Variants in WASF3 observed in about 807,000 individuals in gnomAD.
The protein encoded by WASF3 is actin-binding protein WASF3.
WASF3 carries 11 observed loss-of-function variants against 46.6 expected under a neutral mutation model. That is an observed-to-expected ratio of 0.24 (90% CI 0.15 to 0.39). WASF3 has a LOEUF of 0.39. Among genes scored for constraint, WASF3 ranks in the 10% least tolerant of loss-of-function variants. The pLI, the probability that WASF3 is intolerant of heterozygous loss-of-function variation, is 1.00. For missense variants in WASF3, 576 were observed against 669.8 expected (o/e 0.86, Z 1.55); for synonymous variants, 242 against 259.7 (o/e 0.93, Z 0.65).
chr13:26,679,631 C>T lies in WASF3; in HGVS notation c.717-1423C>T, dbSNP rs944250084. ...TGTAAGCCAGTGACTCGTAGTCATG[C>T]GCAGAGTCAAGCACACATCATCAGT... On this transcript the variant is annotated intron_variant, in intron 7 of 9. Transcript: ENST00000335327. This position sits in a 1 kb window ranked among gnomAD's most constrained non-coding sequence, Gnocchi z 4.8. Among the ~76,000 whole-genome samples, 1 of 152,144 alleles carries T rather than the reference C, an allele frequency of 6.6e-6. No homozygotes were observed. The highest frequency in any genetic ancestry group is 1.5e-5 in the Non-Finnish European group (1 of 68,032).
At chr13:26,580,711 C>T (rs567583463) in intron 1 of WASF3, among the ~76,000 whole-genome samples, 55 of 151,344 alleles carry the variant, frequency 3.6e-4, no homozygotes, top group Non-Finnish European at 5.6e-4. Flanking sequence ...CCTCAACCTC[C>T]GCCTCCCGGG....
chr13:26,577,320 G>A, intron 1 of WASF3: 2 of 752,728 alleles, frequency 2.7e-6, no homozygotes, highest in South Asian at 1.4e-5. Flanking sequence ...TAAAAACAAT[G>A]TAACAATCCG....
chr13:26,642,206 C>A, intron 2 of WASF3, 55 bp from the exon 3 acceptor site: 3 of 1,437,444 alleles, frequency 2.1e-6, no homozygotes, highest in Non-Finnish European at 1.8e-6. Context: ...ATTAAAATTC[C>A]AGATTTGTTA....
At chr13:26,589,660 A>T (rs533693452) in intron 1 of WASF3, among the ~76,000 whole-genome samples, 3 of 152,270 alleles carry the variant, frequency 2.0e-5, no homozygotes, top group African/African-American at 7.2e-5. Context: ...TTCTTTAGTT[A>T]TTTCTCCAAA....
chr13:26,565,266 C>G (rs1593368244), intron 1 of WASF3, among the ~76,000 whole-genome samples: 2 of 151,694 alleles, frequency 1.3e-5, no homozygotes, highest in African/African-American at 4.8e-5. Flanking sequence ...GGGAGAAACT[C>G]TAGTACAAGT....
intron 2 of WASF3, among the ~76,000 whole-genome samples, chr13:26,637,409 T>A (rs1881861723): frequency 6.6e-6 from 1 of 152,198 alleles, no homozygotes; most frequent in African/African-American, 2.4e-5. Flanking sequence ...TTCACTTGCC[T>A]TGGCTGAGAT....
intron 3 of WASF3, among the ~76,000 whole-genome samples, chr13:26,643,533 C>T (rs1230916952): frequency 6.6e-6 from 1 of 152,030 alleles, no homozygotes; most frequent in Non-Finnish European, 1.5e-5. Context: ...GGAATCTAAG[C>T]TCTTATGATT....
chr13:26,554,095 C>CTT, upstream of WASF3, among the ~76,000 whole-genome samples: 1 of 90,490 alleles, frequency 1.1e-5, no homozygotes, highest in Non-Finnish European at 2.2e-5. Flanking sequence ...TTCCTTCCTT[C>CTT]CTTCTTTCTT....
At chr13:26,651,327 AAAAAC>A (rs1205737368) in intron 3 of WASF3, among the ~76,000 whole-genome samples, 1 of 152,174 alleles carries the variant, frequency 6.6e-6, no homozygotes, top group Non-Finnish European at 1.5e-5. Flanking sequence ...AAAAAACACA[AAAAAC>A]AAAAACCAAA....
chr13:26,571,608 T>C (rs912036814), intron 1 of WASF3, among the ~76,000 whole-genome samples: 14 of 152,318 alleles, frequency 9.2e-5, no homozygotes, highest in African/African-American at 3.1e-4. Flanking sequence ...TCTGTTCATA[T>C]GCTATTCACA....
chr13:26,595,031 T>C (rs1448700300), intron 1 of WASF3, among the ~76,000 whole-genome samples: 1 of 152,240 alleles, frequency 6.6e-6, no homozygotes, highest in Admixed American at 6.5e-5. Context: ...GTCTTCAATG[T>C]CATTTGTTGC....
At chr13:26,628,614 A>C (rs1434112105) in intron 2 of WASF3, among the ~76,000 whole-genome samples, 1 of 152,212 alleles carries the variant, frequency 6.6e-6, no homozygotes, top group Admixed American at 6.5e-5. Flanking sequence ...GGCTGGAGTC[A>C]GTTTCCTCTG....
intron 3 of WASF3, among the ~76,000 whole-genome samples, chr13:26,643,432 G>A (rs369658945): frequency 2.6e-5 from 4 of 151,832 alleles, no homozygotes; most frequent in Non-Finnish European, 5.9e-5. Flanking sequence ...GTATTGTTAC[G>A]GATATATTTT....
chr13:26,607,639 G>T (rs112785548), intron 1 of WASF3, among the ~76,000 whole-genome samples: 2,003 of 147,056 alleles, frequency 0.014, 19 homozygotes, highest in African/African-American at 0.034. Flanking sequence ...TTTTTGTTTT[G>T]TTTTTTTTTT....
chr13:26,620,088 C>T (rs1002381550), intron 2 of WASF3, among the ~76,000 whole-genome samples: 3 of 151,876 alleles, frequency 2.0e-5, no homozygotes, highest in African/African-American at 7.3e-5. Context: ...GATTTTGGGT[C>T]TCTTTGTCTT....
At chr13:26,587,087 A>G (rs938191473) in intron 1 of WASF3, among the ~76,000 whole-genome samples, 2 of 126,846 alleles carry the variant, frequency 1.6e-5, no homozygotes, top group Non-Finnish European at 3.2e-5. Flanking sequence ...TGGGCGACAG[A>G]TTAAGACCCT....
At chr13:26,608,021 G>A (rs544469798) in intron 1 of WASF3, among the ~76,000 whole-genome samples, 25 of 152,214 alleles carry the variant, frequency 1.6e-4, no homozygotes, top group South Asian at 8.3e-4. Context: ...AGCTCAGTCC[G>A]AAATAATGTA....
At chr13:26,624,877 A>G (rs564927739) in intron 2 of WASF3, among the ~76,000 whole-genome samples, 51 of 152,122 alleles carry the variant, frequency 3.4e-4, no homozygotes, top group Non-Finnish European at 8.8e-5. Flanking sequence ...CTGTCGATGC[A>G]TAATTCTATA....
At chr13:26,601,539 T>G (rs1338751426) in intron 1 of WASF3, among the ~76,000 whole-genome samples, 1 of 152,222 alleles carries the variant, frequency 6.6e-6, no homozygotes, top group African/African-American at 2.4e-5. Flanking sequence ...CCTCCTGCCT[T>G]CAGGGTTGAC....
Sources: allele counts gnomAD v4.1 joint callset (sites outside exome capture counted in the v4.1 genomes callset), GRCh38; gene constraint gnomAD v4.1.1; non-coding constraint Gnocchi (gnomAD v3.1); transcripts MANE v1.5; gene names NCBI Gene and HGNC (gene_info 2026-07-23, HGNC 2026-07-21).